Variants in SLC7A11 observed in about 807,000 individuals in gnomAD.
SLC7A11 encodes cystine/glutamate transporter.
Under a neutral mutation model 54.5 loss-of-function variants are expected in SLC7A11, and 35 were observed. The ratio of observed to expected loss-of-function variants is 0.64; its 90% CI spans 0.49 to 0.85. The LOEUF (loss-of-function observed/expected upper bound fraction) is 0.85, where lower values mean the gene tolerates loss of function less well. SLC7A11 is among the 40% of genes least tolerant of loss of function. The pLI is 0.00. For synonymous variants in SLC7A11, 230 were observed against 225.2 expected (o/e 1.02, Z -0.19); for missense variants, 583 against 618.1 (o/e 0.94, Z 0.60).
intron 7 of SLC7A11, 33 bp downstream of exon 7, chr4:138,185,088 A>G: frequency 6.2e-7 from 1 of 1,611,346 alleles, no homozygotes; most frequent in South Asian, 1.1e-5. Context: ...ATTAACCTAA[A>G]TTCCAATTGG....
At chr4:138,240,160 T>G (rs906335978) in intron 1 of SLC7A11, among the ~76,000 whole-genome samples, 1 of 152,138 alleles carries the variant, frequency 6.6e-6, no homozygotes, top group Non-Finnish European at 1.5e-5. Context: ...AAAGCACAAG[T>G]TAGTTATAAA....
intron 11 of SLC7A11, chr4:138,177,604 C>G (rs1736610334): frequency 6.6e-6 from 1 of 152,060 alleles, no homozygotes; most frequent in Non-Finnish European, 1.5e-5. Flanking sequence ...AAAATAAATT[C>G]TCCATTTTCC....
rs1736328516 is a variant in SLC7A11, at chr4:138,168,618, G to A, written c.*3338C>T. ...AACAATTTTACCAGACACATAAGAC[G>A]AACAGGAAATCTGTTTCAACGTGAA... is the stretch of plus-strand genomic sequence containing the variant. On this transcript the variant is annotated 3_prime_UTR_variant, in exon 12 of 12. Transcript: ENST00000280612. 1 of 152,130 alleles carries A rather than the reference G, an allele frequency of 6.6e-6. No homozygotes were observed. Among genetic ancestry groups the A allele is most frequent in the African/African-American group, 2.4e-5 (1 of 41,420 alleles). 9.4% of individuals were successfully genotyped at this position (152,130 alleles called of 1,614,324 possible). A position where few individuals can be genotyped will look rare whatever the true frequency, so the allele number is the denominator to read the frequency against.
chr4:138,171,963 T>C lies in SLC7A11; in HGVS notation c.1499A>G (p.Lys500Arg). Reference protein sequence around the residue: ...IILEVVPEEDKL With the variant: ...IILEVVPEEDRL The stretch of plus-strand genomic sequence containing the variant: ...GATCTCAAGTCCATTAGTTCATAAC[T>C]TATCTTCTTCTGGTACAACTTCCAG... The change falls in exon 12 of 12, where the codon AAG (lysine) becomes AGG (arginine). Residue 500 changes from lysine (K) to arginine (R), a missense_variant. By Grantham distance (26) the Lys-to-Arg change is conservative (BLOSUM62 2). Coordinates refer to ENST00000280612, the MANE Select transcript of SLC7A11 (RefSeq NM_014331.4). The C allele has an allele frequency of 6.3e-7, 1 of 1,596,278 alleles. No homozygotes were observed. Among genetic ancestry groups the C allele is most frequent in the Non-Finnish European group, 8.5e-7 (1 of 1,174,274 alleles).
Position 138,199,027 on chromosome 4 carries a change from C to T in SLC7A11, c.792-13783G>A, listed in dbSNP as rs143068825. Among the ~76,000 whole-genome samples, 27 of 152,230 alleles carry T rather than the reference C, an allele frequency of 1.8e-4. 1 individual carries two copies. In the East Asian group the frequency reaches 4.6e-3, roughly 26 times the overall value. On this transcript the variant is annotated intron_variant, in intron 6 of 11. Coordinates refer to ENST00000280612, the MANE Select transcript of SLC7A11 (RefSeq NM_014331.4). Reference sequence around the variant, plus strand: ...GCAGGGCACACTTGGAAGAACCTTCCAGCTGTCAGGGATACAGCAGTAATG... The same window carrying T: ...GCAGGGCACACTTGGAAGAACCTTCTAGCTGTCAGGGATACAGCAGTAATG...
At chr4:138,173,370 C>T (rs916244242) in intron 11 of SLC7A11, among the ~76,000 whole-genome samples, 13 of 152,014 alleles carry the variant, frequency 8.6e-5, no homozygotes, top group African/African-American at 3.1e-4. Context: ...TGCAGTGGCT[C>T]ATGTCTGCAA....
intron 6 of SLC7A11, among the ~76,000 whole-genome samples, chr4:138,206,837 C>T (rs1737419367): frequency 6.6e-6 from 1 of 151,824 alleles, no homozygotes; most frequent in African/African-American, 2.4e-5. Flanking sequence ...ATTTGGTGAC[C>T]TTGTTCTTTG....
At position 138,168,425 on chromosome 4, in the gene SLC7A11, T is replaced by A. The variant is rs950224224; in HGVS notation, c.*3531A>T. The stretch of plus-strand genomic sequence containing the variant: ...TACCTTATACCTCAATTACAAAAGA[T>A]CAACTTTAACAAAGGTCAGAGTTGC... On this transcript the variant is annotated 3_prime_UTR_variant, in exon 12 of 12. Transcript: ENST00000280612. The A allele has an allele frequency of 2.6e-4, 40 of 152,322 alleles. No homozygotes were observed. Among genetic ancestry groups the A allele is most frequent in the South Asian group, 2.1e-4 (1 of 4,826 alleles). The allele number at this position is 152,322 out of a possible 1,614,324, so 9.4% of individuals were successfully genotyped here. A position where few individuals can be genotyped will look rare whatever the true frequency, so the allele number is the denominator to read the frequency against.
chr4:138,225,786 A>G (rs1720307806), intron 3 of SLC7A11, among the ~76,000 whole-genome samples: 3 of 152,088 alleles, frequency 2.0e-5, no homozygotes, highest in Admixed American at 2.0e-4. Flanking sequence ...TAGGGCTCCT[A>G]AAACCCAAAG....
intron 10 of SLC7A11, 127 bp downstream of exon 10, chr4:138,180,514 G>A (rs577890338): frequency 1.1e-6 from 1 of 883,984 alleles, no homozygotes; most frequent in African/African-American, 1.7e-5. Flanking sequence ...CTGCCTGCAA[G>A]AGTTAAACAT....
intron 1 of SLC7A11, among the ~76,000 whole-genome samples, chr4:138,237,000 T>TC (rs1365430533): frequency 1.3e-5 from 2 of 148,778 alleles, no homozygotes; most frequent in Non-Finnish European, 3.0e-5. Flanking sequence ...TTTTTTTTTT[T>TC]TTTGAGACGG....
intron 6 of SLC7A11, among the ~76,000 whole-genome samples, chr4:138,213,289 G>A (rs558309805): frequency 6.6e-6 from 1 of 152,140 alleles, no homozygotes; most frequent in East Asian, 1.9e-4. Context: ...TTGCATAGCA[G>A]TTGAATCAGA....
At chr4:138,239,536 C>T (rs1315073727) in intron 1 of SLC7A11, among the ~76,000 whole-genome samples, 1 of 152,138 alleles carries the variant, frequency 6.6e-6, no homozygotes, top group Non-Finnish European at 1.5e-5. Flanking sequence ...TGTCCAAAAG[C>T]TTCTGGTAAC....
chr4:138,173,308 C>G (rs7663676), intron 11 of SLC7A11, among the ~76,000 whole-genome samples: 67,075 of 151,872 alleles, frequency 0.44, 15,063 homozygotes, highest in Middle Eastern at 0.46. Context: ...TGTAATAGCT[C>G]CTTTCAAGCC....
chr4:138,192,697 G>T (rs988404060), intron 6 of SLC7A11, among the ~76,000 whole-genome samples: 4 of 152,012 alleles, frequency 2.6e-5, no homozygotes, highest in Non-Finnish European at 5.9e-5. Context: ...TTATTAAAAT[G>T]ATGTCCTAAA....
intron 1 of SLC7A11, among the ~76,000 whole-genome samples, chr4:138,237,720 TATATATATA>T (rs1560742498): frequency 6.5e-4 from 6 of 9,210 alleles, no homozygotes; most frequent in Non-Finnish European, 1.1e-3. Flanking sequence ...TATATATATA[TATATATATA>T]TATATATATT....
chr4:138,214,838 A>T (rs1200965713), intron 5 of SLC7A11, among the ~76,000 whole-genome samples: 1 of 152,132 alleles, frequency 6.6e-6, no homozygotes, highest in Non-Finnish European at 1.5e-5. Context: ...TCAGAAATAT[A>T]CAAGTGGTAA....
At chr4:138,172,121 G>C in intron 11 of SLC7A11, 104 bp from the exon 12 acceptor site, 3 of 1,161,486 alleles carry the variant, frequency 2.6e-6, no homozygotes, top group Non-Finnish European at 2.3e-6. Context: ...ACACACAACT[G>C]TCTACTTCAT....
chr4:138,233,683 A>G (rs558950150), intron 2 of SLC7A11, among the ~76,000 whole-genome samples: 1 of 152,094 alleles, frequency 6.6e-6, no homozygotes, highest in African/African-American at 2.4e-5. Context: ...ATCTTCCCCA[A>G]ACAAAACTGT....
Sources: gnomAD v4.1 joint callset for allele counts (sites outside exome capture counted in the v4.1 genomes callset) on GRCh38, gnomAD v4.1.1 for gene constraint, MANE v1.5 for transcripts, NCBI Gene and HGNC (gene_info 2026-07-23, HGNC 2026-07-21) for gene names.